DLG2: variants seen among roughly 807,000 people sequenced by gnomAD.
DLG2 encodes the protein discs large MAGUK scaffold protein 2, also known as disks large homolog 2.
A neutral mutation model predicts 132.5 loss-of-function variants in DLG2; 45 were observed. The ratio of observed to expected loss-of-function variants is 0.34; its 90% CI spans 0.27 to 0.44. The LOEUF (loss-of-function observed/expected upper bound fraction) is 0.44, where lower values mean the gene tolerates loss of function less well. Among genes scored for constraint, DLG2 ranks in the 20% least tolerant of loss-of-function variants. The pLI is 1.00. For synonymous variants in DLG2, 424 were observed against 419.6 expected (o/e 1.01, Z -0.13); for missense variants, 1,045 against 1,196.9 (o/e 0.87, Z 1.87).
intron 4 of DLG2, among the ~76,000 whole-genome samples, chr11:85,250,395 A>G (rs1044132489): frequency 3.3e-5 from 5 of 152,162 alleles, no homozygotes; most frequent in Non-Finnish European, 5.9e-5. Flanking sequence ...GCATATTATC[A>G]TAGTAGTATG....
intron 15 of DLG2, among the ~76,000 whole-genome samples, chr11:83,884,394 G>T (rs575569488): frequency 5.3e-5 from 8 of 152,304 alleles, no homozygotes; most frequent in African/African-American, 1.9e-4. Context: ...CTAGGGGGAG[G>T]GGCGCCCGCC....
intron 7 of DLG2, among the ~76,000 whole-genome samples, chr11:84,379,579 C>A (rs1306084633): frequency 2.0e-5 from 3 of 151,810 alleles, no homozygotes; most frequent in Non-Finnish European, 4.4e-5. Flanking sequence ...ACATAGGTAG[C>A]TCAAAAAAAT....
intron 6 of DLG2, among the ~76,000 whole-genome samples, chr11:84,731,760 A>T (rs1284089226): frequency 6.6e-6 from 1 of 152,068 alleles, no homozygotes; most frequent in Admixed American, 6.6e-5. Context: ...AAATATTTTA[A>T]AGCAGATTTA....
intron 4 of DLG2, among the ~76,000 whole-genome samples, chr11:85,271,571 G>T (rs548843522): frequency 1.3e-5 from 2 of 152,372 alleles, no homozygotes; most frequent in African/African-American, 4.8e-5. Context: ...GCACAGGAAA[G>T]CAGCCAGGAG....
intron 7 of DLG2, chr11:84,273,210 A>G: frequency 1.3e-6 from 2 of 1,576,002 alleles, no homozygotes; most frequent in Non-Finnish European, 1.7e-6. Context: ...ATAGTATCCC[A>G]CAAAAGCTGA....
chr11:84,419,694 C>T (rs2098941921), intron 7 of DLG2, among the ~76,000 whole-genome samples: 1 of 152,182 alleles, frequency 6.6e-6, no homozygotes, highest in African/African-American at 2.4e-5. Context: ...AGGGAAGGCT[C>T]TGTGCCCCTT....
rs112198759 is a variant in DLG2, at chr11:84,871,892, C to G, written c.357+239769G>C. ...GTTTCACCATGTTGGCCAGGCTGCT[C>G]TCAAACTCCTGACCTCAGGTGATCC... On this transcript the variant is annotated intron_variant, in intron 6 of 27. Transcript: ENST00000376104. Among the ~76,000 whole-genome samples, 237 of 152,230 alleles carry G rather than the reference C, an allele frequency of 1.6e-3. 1 individual carries two copies. The highest frequency in any genetic ancestry group is 5.4e-3 in the African/African-American group (223 of 41,528).
intron 6 of DLG2, among the ~76,000 whole-genome samples, chr11:85,015,425 A>C (rs1483487740): frequency 2.0e-5 from 3 of 151,784 alleles, no homozygotes; most frequent in Non-Finnish European, 2.9e-5. Flanking sequence ...AAAAAAAAAA[A>C]AAAACTTGGC....
intron 7 of DLG2, among the ~76,000 whole-genome samples, chr11:84,474,243 T>G (rs1401184817): frequency 6.6e-6 from 1 of 152,070 alleles, no homozygotes; most frequent in African/African-American, 2.4e-5. Flanking sequence ...CATGTATGTG[T>G]TCCTTCATTG....
intron 7 of DLG2, among the ~76,000 whole-genome samples, chr11:84,522,948 A>G (rs1239405327): frequency 6.6e-6 from 1 of 152,150 alleles, no homozygotes; most frequent in Non-Finnish European, 1.5e-5. Context: ...ACCACTCAAA[A>G]TGTCCCCAAC....
chr11:83,944,223 C>T (rs968418797), intron 14 of DLG2, among the ~76,000 whole-genome samples: 1 of 152,212 alleles, frequency 6.6e-6, no homozygotes, highest in Non-Finnish European at 1.5e-5. Flanking sequence ...GGCAACCATA[C>T]ATATGGCTTT....
chr11:84,101,783 G>A (rs1595291248), intron 9 of DLG2, among the ~76,000 whole-genome samples: 1 of 152,096 alleles, frequency 6.6e-6, no homozygotes, highest in African/African-American at 2.4e-5. Context: ...GGATAATAAT[G>A]TCTTGATTAA....
chr11:85,264,145 T>C (rs1212460589), intron 4 of DLG2, among the ~76,000 whole-genome samples: 1 of 152,144 alleles, frequency 6.6e-6, no homozygotes, highest in African/African-American at 2.4e-5. Context: ...TGCCTCTTCC[T>C]TGTTGTTGAT....
chr11:84,460,238 C>T (rs1319891844), intron 7 of DLG2, among the ~76,000 whole-genome samples: 1 of 150,594 alleles, frequency 6.6e-6, no homozygotes, highest in Non-Finnish European at 1.5e-5. Flanking sequence ...CATCAATTGA[C>T]TATTGCGTTG....
At chr11:84,640,305 G>T in intron 6 of DLG2, 1 of 342,646 alleles carries the variant, frequency 2.9e-6, no homozygotes, top group South Asian at 2.4e-5. Context: ...CGTTATCTAG[G>T]AGAATGGGTC....
At chr11:85,119,039 T>A (rs2073996877) in intron 5 of DLG2, among the ~76,000 whole-genome samples, 1 of 151,940 alleles carries the variant, frequency 6.6e-6, no homozygotes, top group East Asian at 1.9e-4. Context: ...GAGTCTATAT[T>A]CTTGTATCTG....
At chr11:84,972,492 T>A (rs1467343171) in intron 6 of DLG2, among the ~76,000 whole-genome samples, 1 of 152,194 alleles carries the variant, frequency 6.6e-6, no homozygotes, top group Non-Finnish European at 1.5e-5. Context: ...TTGTGGTAAT[T>A]TATATTAATT....
chr11:85,160,829 A>T (rs1334144366), intron 4 of DLG2, among the ~76,000 whole-genome samples: 2 of 152,118 alleles, frequency 1.3e-5, no homozygotes, highest in African/African-American at 4.8e-5. Context: ...CTGCACAATT[A>T]TGCAGGCACC....
intron 2 of DLG2, among the ~76,000 whole-genome samples, chr11:85,616,511 C>G (rs1303998468): frequency 1.3e-5 from 2 of 152,108 alleles, no homozygotes; most frequent in African/African-American, 4.8e-5. Flanking sequence ...ACAACTGGTT[C>G]CCTACTTTAT....
Sources: allele counts gnomAD v4.1 joint callset (sites outside exome capture counted in the v4.1 genomes callset), GRCh38; gene constraint gnomAD v4.1.1; transcripts MANE v1.5; gene names NCBI Gene and HGNC (gene_info 2026-07-23, HGNC 2026-07-21).